ASTN2: variants seen among roughly 807,000 people sequenced by gnomAD.
ASTN2 encodes astrotactin-2.
A neutral mutation model predicts 139.8 loss-of-function variants in ASTN2; 54 were observed. The ratio of observed to expected loss-of-function variants is 0.39; its 90% CI spans 0.31 to 0.48. The LOEUF is 0.48. Among genes scored for constraint, ASTN2 ranks in the 20% least tolerant of loss-of-function variants. ASTN2 has a pLI of 0.95. For missense variants in ASTN2, 1,565 were observed against 1,725.1 expected, an observed-to-expected ratio of 0.91 and a Z score of 1.64; for synonymous variants, 756 against 719.5, an observed-to-expected ratio of 1.05 and a Z score of -0.81.
intron 16 of ASTN2, among the ~76,000 whole-genome samples, chr9:116,680,209 G>A (rs865864766): frequency 0.019 from 2,925 of 151,942 alleles, 84 homozygotes; most frequent in African/African-American, 0.067. Flanking sequence ...CCGATCCCAC[G>A]GAAATACAAA....
At chr9:116,467,231 C>T (rs922349972) in intron 20 of ASTN2, among the ~76,000 whole-genome samples, 2 of 148,968 alleles carry the variant, frequency 1.3e-5, no homozygotes, top group Admixed American at 6.8e-5. Context: ...AGCCAGCACA[C>T]AGCAAACTTG....
intron 20 of ASTN2, among the ~76,000 whole-genome samples, chr9:116,472,159 C>T (rs560709955): frequency 2.6e-5 from 4 of 152,174 alleles, no homozygotes; most frequent in Non-Finnish European, 4.4e-5. Context: ...CCTTAGCACA[C>T]GTTATGAGGC....
At position 116,728,252 on chromosome 9, in the gene ASTN2, C is replaced by A. The variant is rs977275022; in HGVS notation, c.2626+740G>T. ...CCGCCCACAGTTCTCAGGTCATAGA[C>A]AAGATTCCAATATAAATCAAGGACT... is the stretch of plus-strand genomic sequence containing the variant. On this transcript the variant is annotated intron_variant, in intron 15 of 22. Transcript: ENST00000313400. 2.0e-5 allele frequency among the ~76,000 whole-genome samples: 3 copies of A among 152,186 alleles called. No homozygotes were observed. The East Asian group carries it at 5.8e-4, about 29-fold the overall frequency.
At chr9:117,253,099 G>A (rs1833582790) in intron 2 of ASTN2, among the ~76,000 whole-genome samples, 2 of 152,044 alleles carry the variant, frequency 1.3e-5, no homozygotes, top group Non-Finnish European at 2.9e-5. Flanking sequence ...CTGATATATT[G>A]GGCAGTCATT....
At chr9:117,365,664 G>A (rs193098208) in intron 1 of ASTN2, among the ~76,000 whole-genome samples, 31 of 152,276 alleles carry the variant, frequency 2.0e-4, no homozygotes, top group African/African-American at 4.8e-4. Context: ...CAACCCAAGC[G>A]TGTACCCATA....
In ASTN2 at chr9:116,424,781, G is replaced by A. The variant is rs913747421; in HGVS notation, c.*1070C>T. 6.6e-6 allele frequency among the ~76,000 whole-genome samples: 1 copy of A among 151,946 alleles called. No homozygotes were observed. The highest frequency in any genetic ancestry group is 6.6e-5 in the Admixed American group (1 of 15,230). The stretch of plus-strand genomic sequence containing the variant: ...TTTTTGTATTGTTAGTAGAGACGGG[G>A]TTTCACCACATTAGCCAGGCTGGTC... On this transcript the variant is annotated 3_prime_UTR_variant, in exon 23 of 23. Coordinates refer to ENST00000313400, the MANE Select transcript of ASTN2 (RefSeq NM_001365068.1).
intron 19 of ASTN2, among the ~76,000 whole-genome samples, chr9:116,536,794 T>A (rs1851649874): frequency 6.6e-6 from 1 of 152,224 alleles, no homozygotes; most frequent in Non-Finnish European, 1.5e-5. Context: ...GTTAGGCTTC[T>A]CAGGGGTCAG....
At chr9:117,242,798 T>C (rs1004279260) in intron 2 of ASTN2, among the ~76,000 whole-genome samples, 1 of 152,202 alleles carries the variant, frequency 6.6e-6, no homozygotes, top group Non-Finnish European at 1.5e-5. Context: ...TCAAGTACCC[T>C]GGGAGCTGCC....
chr9:117,215,682 T>C (rs1832295626), intron 2 of ASTN2, among the ~76,000 whole-genome samples: 2 of 152,100 alleles, frequency 1.3e-5, no homozygotes, highest in South Asian at 4.2e-4. Context: ...ACACCTGTCA[T>C]GAGCTTGAAG....
chr9:116,696,758 A>G (rs762878990), intron 16 of ASTN2, among the ~76,000 whole-genome samples: 91 of 152,176 alleles, frequency 6.0e-4, no homozygotes, highest in Non-Finnish European at 1.0e-3. Flanking sequence ...GACCTCTTGT[A>G]TCTAGTACAG....
At chr9:116,716,026 T>G (rs556598674) in intron 16 of ASTN2, among the ~76,000 whole-genome samples, 2 of 152,156 alleles carry the variant, frequency 1.3e-5, no homozygotes, top group East Asian at 3.9e-4. Flanking sequence ...GGCAGAGAGA[T>G]AGCAAAAGCT....
At position 117,320,446 on chromosome 9, in the gene ASTN2, T is replaced by C. The variant is rs918520026; in HGVS notation, c.443-28933A>G. ...CTCACCACAGGCCAGGGCTTTTCCA[T>C]ATAGGATTATATTTGCTGCTTAGAA... On this transcript the variant is annotated intron_variant, in intron 1 of 22. Transcript: ENST00000313400. Among the ~76,000 whole-genome samples the C allele has an allele frequency of 6.6e-5, 10 of 152,156 alleles. 1 individual carries two copies. The highest frequency in any genetic ancestry group is 1.9e-4 in the African/African-American group (8 of 41,424).
chr9:116,797,744 G>A (rs1830738863), intron 13 of ASTN2, among the ~76,000 whole-genome samples: 1 of 152,118 alleles, frequency 6.6e-6, no homozygotes, highest in Non-Finnish European at 1.5e-5. Context: ...ACAGACCTGA[G>A]AGTGCACAAA....
intron 3 of ASTN2, among the ~76,000 whole-genome samples, chr9:117,156,198 A>G (rs181500039): frequency 2.5e-4 from 38 of 152,180 alleles, no homozygotes; most frequent in Non-Finnish European, 5.0e-4. Flanking sequence ...TGCATTATGT[A>G]TGTTATAATT....
chr9:116,790,954 GA>G (rs10579086), intron 13 of ASTN2, among the ~76,000 whole-genome samples: 2,423 of 84,034 alleles, frequency 0.029, 25 homozygotes, highest in African/African-American at 0.044. Context: ...AAGAAAGAAA[GA>G]AAAGAAAGAA....
chr9:116,663,173 G>A (rs1253123704), intron 16 of ASTN2, among the ~76,000 whole-genome samples: 1 of 152,202 alleles, frequency 6.6e-6, no homozygotes, highest in Non-Finnish European at 1.5e-5. Context: ...TCTTGGACAA[G>A]GCTTACGGAA....
chr9:117,145,862 G>C (rs1830182406), intron 3 of ASTN2, among the ~76,000 whole-genome samples: 1 of 151,920 alleles, frequency 6.6e-6, no homozygotes, highest in African/African-American at 2.4e-5. Flanking sequence ...ATTCCTAAAG[G>C]TCAGCCTCTT....
intron 10 of ASTN2, among the ~76,000 whole-genome samples, chr9:116,918,997 T>G (rs1834526543): frequency 6.6e-6 from 1 of 151,818 alleles, no homozygotes; most frequent in Admixed American, 6.6e-5. Flanking sequence ...ATTTATTCAC[T>G]GTATCATTTT....
At chr9:116,440,058 T>G (rs1847795803) in intron 22 of ASTN2, among the ~76,000 whole-genome samples, 1 of 152,214 alleles carries the variant, frequency 6.6e-6, no homozygotes, top group South Asian at 2.1e-4. Flanking sequence ...AAATAGTGAC[T>G]GTGCCTTAGT....
Sources: allele counts gnomAD v4.1 joint callset (sites outside exome capture counted in the v4.1 genomes callset), GRCh38; gene constraint gnomAD v4.1.1; transcripts MANE v1.5; gene names NCBI Gene and HGNC (gene_info 2026-07-23, HGNC 2026-07-21).